Variants in DPP10 observed in about 807,000 individuals in gnomAD.
DPP10 encodes inactive dipeptidyl peptidase 10.
Under a neutral mutation model 120.9 loss-of-function variants are expected in DPP10, and 33 were observed. The observed-to-expected ratio is 0.27, with a 90% CI of 0.21 to 0.37. The LOEUF is 0.37. DPP10 is among the 10% of genes least tolerant of loss of function. DPP10 has a pLI of 1.00. For synonymous variants in DPP10, 337 were observed against 326.1 expected, an observed-to-expected ratio of 1.03 and a Z score of -0.36; for missense variants, 816 against 942.8, an observed-to-expected ratio of 0.87 and a Z score of 1.76.
chr2:115,031,276 G>C (rs1293343411), intron 1 of DPP10, among the ~76,000 whole-genome samples: 2 of 152,156 alleles, frequency 1.3e-5, no homozygotes, highest in East Asian at 3.9e-4. Context: ...GATATAACTT[G>C]AGAAGACACA....
intron 3 of DPP10, among the ~76,000 whole-genome samples, chr2:115,430,946 C>A (rs2070919831): frequency 6.6e-6 from 1 of 152,098 alleles, no homozygotes; most frequent in Non-Finnish European, 1.5e-5. Context: ...AGTAAGGTGA[C>A]ATAAATTTCC....
At chr2:115,323,804 G>A (rs564245909) in intron 2 of DPP10, among the ~76,000 whole-genome samples, 3 of 152,278 alleles carry the variant, frequency 2.0e-5, no homozygotes, top group African/African-American at 7.2e-5. Context: ...TGAGTAGTAA[G>A]TCTCAGTAGT....
intron 1 of DPP10, among the ~76,000 whole-genome samples, chr2:114,874,940 T>C (rs1691027375): frequency 6.6e-6 from 1 of 152,142 alleles, no homozygotes; most frequent in Admixed American, 6.6e-5. Context: ...AAGTGGTTTC[T>C]TTGCTGTTCA....
chr2:115,133,713 TTCATTATAACAATCTACAGTCTTTAAGA>T (rs1282087047), intron 1 of DPP10, among the ~76,000 whole-genome samples: 1 of 152,172 alleles, frequency 6.6e-6, no homozygotes, highest in Non-Finnish European at 1.5e-5. Context: ...CCGAGCTGTT[TTCATTATAACAATCTACAGTCTTTAAGA>T]TAGGTGAAGA....
chr2:115,342,959 C>T (rs1282333413), intron 2 of DPP10, among the ~76,000 whole-genome samples: 2 of 152,162 alleles, frequency 1.3e-5, no homozygotes, highest in Non-Finnish European at 2.9e-5. Context: ...AGAATAAAAT[C>T]TAATGAGGTT....
intron 5 of DPP10, among the ~76,000 whole-genome samples, chr2:115,618,707 G>A (rs1417137664): frequency 6.6e-6 from 1 of 152,118 alleles, no homozygotes; most frequent in Non-Finnish European, 1.5e-5. Flanking sequence ...GTACAACTGT[G>A]CACTGCAAAA....
rs567282926 is a variant in DPP10, at chr2:115,797,957, A to G, written c.1700+6601A>G. Among the ~76,000 whole-genome samples, 632 of 146,152 alleles carry G rather than the reference A, an allele frequency of 4.3e-3. 2 individuals are homozygous for G. The highest frequency in any genetic ancestry group is 8.3e-3 in the African/African-American group (331 of 39,774). On this transcript the variant is annotated intron_variant, in intron 19 of 25. Coordinates refer to ENST00000410059, the MANE Select transcript of DPP10 (RefSeq NM_020868.6). ...TATGTGTATATATGTGTGTGTGTGT[A>G]TATATATATATACACACGTATATGC...
intron 3 of DPP10, among the ~76,000 whole-genome samples, chr2:115,452,935 C>T (rs1215247037): frequency 6.6e-6 from 1 of 151,744 alleles, no homozygotes; most frequent in Non-Finnish European, 1.5e-5. Context: ...ATGGAGATGA[C>T]AATAGTAAGA....
intron 5 of DPP10, among the ~76,000 whole-genome samples, chr2:115,613,778 AT>A (rs1376265457): frequency 1.3e-5 from 2 of 152,196 alleles, no homozygotes; most frequent in African/African-American, 4.8e-5. Flanking sequence ...GTACAAAGAG[AT>A]TACTTGGCAG....
intron 1 of DPP10, among the ~76,000 whole-genome samples, chr2:114,777,705 C>G (rs891273146): frequency 6.6e-6 from 1 of 151,836 alleles, no homozygotes; most frequent in Non-Finnish European, 1.5e-5. Flanking sequence ...GATATGAAGC[C>G]CAAAGCAGTA....
At chr2:115,044,243 G>A (rs577033682) in intron 1 of DPP10, among the ~76,000 whole-genome samples, 2 of 152,184 alleles carry the variant, frequency 1.3e-5, no homozygotes, top group Admixed American at 1.3e-4. Context: ...GAGGTCTCAG[G>A]AAACTTACAA....
At position 114,682,095 on chromosome 2, in the gene DPP10, T is replaced by G. The variant is rs114145152; in HGVS notation, c.60+239257T>G. On this transcript the variant is annotated intron_variant, in intron 1 of 25. Coordinates refer to ENST00000410059, the MANE Select transcript of DPP10 (RefSeq NM_020868.6). Reference sequence around the variant, plus strand: ...CAAGTCCTAAGCCCTGCTGTAAGATTGTACAATTCACAACATTTCCTAGAC... The same window carrying G: ...CAAGTCCTAAGCCCTGCTGTAAGATGGTACAATTCACAACATTTCCTAGAC... 8.6e-3 allele frequency among the ~76,000 whole-genome samples: 1,306 copies of G among 152,036 alleles called. 18 individuals are homozygous for G. Among genetic ancestry groups the G allele is most frequent in the African/African-American group, 0.03 (1,232 of 41,494 alleles).
chr2:115,225,955 C>A (rs1019751484), intron 1 of DPP10, among the ~76,000 whole-genome samples: 3 of 152,032 alleles, frequency 2.0e-5, no homozygotes, highest in Non-Finnish European at 2.9e-5. Flanking sequence ...TTGGCGCTAC[C>A]TTTTATTACT....
intron 1 of DPP10, among the ~76,000 whole-genome samples, chr2:115,099,307 C>T (rs1253458102): frequency 6.6e-6 from 1 of 152,034 alleles, no homozygotes; most frequent in Admixed American, 6.6e-5. Context: ...GAACAAGACT[C>T]CATCTAAACA....
intron 1 of DPP10, among the ~76,000 whole-genome samples, chr2:115,202,876 G>C (rs555159713): frequency 6.6e-6 from 1 of 152,302 alleles, no homozygotes; most frequent in South Asian, 2.1e-4. Context: ...ATCAAGGACA[G>C]AGAAAGAAGA....
chr2:115,172,117 A>C (rs2053393860), intron 1 of DPP10, among the ~76,000 whole-genome samples: 1 of 152,172 alleles, frequency 6.6e-6, no homozygotes, highest in South Asian at 2.1e-4. Flanking sequence ...ATCCCTCCTA[A>C]AGGAGAGATG....
At chr2:114,514,007 A>G (rs867607569) in intron 1 of DPP10, among the ~76,000 whole-genome samples, 28 of 152,218 alleles carry the variant, frequency 1.8e-4, no homozygotes, top group African/African-American at 5.5e-4. Flanking sequence ...AATCGAAAGC[A>G]GGGTTTGTGT....
At chr2:114,953,239 A>G (rs1209680422) in intron 1 of DPP10, among the ~76,000 whole-genome samples, 1 of 152,204 alleles carries the variant, frequency 6.6e-6, no homozygotes, top group Non-Finnish European at 1.5e-5. Flanking sequence ...ATTCTGCGCT[A>G]TAGAACCATT....
chr2:115,225,745 T>C (rs992710465), intron 1 of DPP10, among the ~76,000 whole-genome samples: 2 of 152,262 alleles, frequency 1.3e-5, no homozygotes, highest in East Asian at 3.9e-4. Flanking sequence ...TCTTTATTTG[T>C]ATTTTTGTTT....
Sources: gnomAD v4.1 joint callset for allele counts (sites outside exome capture counted in the v4.1 genomes callset) on GRCh38, gnomAD v4.1.1 for gene constraint, MANE v1.5 for transcripts, NCBI Gene and HGNC (gene_info 2026-07-23, HGNC 2026-07-21) for gene names.